Variants in C6orf47 observed in about 807,000 individuals in gnomAD.
The protein encoded by C6orf47 is chromosome 6 open reading frame 47.
A neutral mutation model predicts 5.6 loss-of-function variants in C6orf47; 1 was observed. The observed-to-expected ratio is 0.18, with a 90% confidence interval of 0.06 to 0.85. The LOEUF (loss-of-function observed/expected upper bound fraction) is 0.85, where lower values mean the gene tolerates loss of function less well. Ranked by LOEUF, C6orf47 falls within the 40% of genes least tolerant of loss-of-function variation. The pLI, the probability that C6orf47 is intolerant of heterozygous loss-of-function variation, is 0.70. For missense variants in C6orf47, 323 were observed against 367.1 expected, an observed-to-expected ratio of 0.88 and a Z score of 0.98; for synonymous variants, 149 against 161.7, an observed-to-expected ratio of 0.92 and a Z score of 0.60.
rs777717158 is a variant in C6orf47 at position 31,659,611 on chromosome 6, G to C, written c.337C>G (p.Pro113Ala). ...SGRLEAGGAS[P>A]KLRWDHVDSG... is the part of the protein sequence containing the mutation. ...TCCACATGATCCCATCTGAGTTTGG[G>C]ACTGGCCCCTCCAGCCTCCAGTCTC... The change falls in exon 1 of 1, where the codon CCC becomes GCC. Residue 113 changes from proline to alanine, a missense_variant. Coordinates refer to ENST00000375911, the MANE Select transcript of C6orf47 (RefSeq NM_021184.4). This position sits in a 1 kb window ranked among gnomAD's most constrained non-coding sequence, Gnocchi z 5.6. The C allele has an allele frequency of 6.2e-7, 1 of 1,612,846 alleles. No homozygotes were observed. The highest frequency in any genetic ancestry group is 1.1e-5 in the South Asian group (1 of 91,088).
rs893627945 is a variant in C6orf47 at position 31,659,694 on chromosome 6, C to T, written c.254G>A (p.Ser85Asn). ...KEEPQVEQLG[S>N]KRMDSLKWDQ... ...CCACTTGAGGGAATCCATTCTTTTGCTCCCTAGCTGCTCAACTTGGGGCTC... is the reference window on the plus strand; with the variant it reads ...CCACTTGAGGGAATCCATTCTTTTGTTCCCTAGCTGCTCAACTTGGGGCTC... The change falls in exon 1 of 1, where the codon AGC becomes AAC. Residue 85 changes from serine (S) to asparagine (N), a missense_variant. Physicochemically the swap from Ser to Asn is conservative, Grantham distance 46 (BLOSUM62 1). Coordinates refer to ENST00000375911, the MANE Select transcript of C6orf47 (RefSeq NM_021184.4). The surrounding 1 kb of genome is among the most constrained non-coding windows in gnomAD (Gnocchi z 5.6). The T allele has an allele frequency of 5.0e-6, 8 of 1,612,974 alleles. No homozygotes were observed. The African/African-American group carries it at 1.1e-4, about 22-fold the overall frequency.
chr6:31,659,523 C>T lies in C6orf47; in HGVS notation c.425G>A (p.Gly142Glu), dbSNP rs754971676. 6.2e-7 allele frequency: 1 copy of T among 1,613,000 alleles called. No homozygotes were observed. Among genetic ancestry groups the T allele is most frequent in the Non-Finnish European group, 8.5e-7 (1 of 1,180,048 alleles). The change falls in exon 1 of 1, where the codon GGA becomes GAA. Residue 142 changes from glycine to glutamate, a missense_variant. Physicochemically the swap from Gly to Glu is moderately conservative, Grantham distance 98 (BLOSUM62 -2). Transcript: ENST00000375911. The surrounding 1 kb of genome is among the most constrained non-coding windows in gnomAD (Gnocchi z 5.6). ...CCTACCAGGTTTCTCCAATGGGGCTCCTGGCCCAGGGACGCTCAGTCCCCC... is the reference window on the plus strand; with the variant it reads ...CCTACCAGGTTTCTCCAATGGGGCTTCTGGCCCAGGGACGCTCAGTCCCCC... ...PEGGLSVPGPGAPLEKPGRRE... is the reference protein window; with the variant it reads ...PEGGLSVPGPEAPLEKPGRRE...
Position 31,659,609 on chromosome 6 carries a change from G to A in C6orf47, c.339C>T (p.Pro113=). The change falls in exon 1 of 1, where the codon CCC becomes CCT. Residue 113 remains proline, a synonymous_variant. Transcript: ENST00000375911. The surrounding 1 kb of genome is among the most constrained non-coding windows in gnomAD (Gnocchi z 5.6). ...AATCCACATGATCCCATCTGAGTTT[G>A]GGACTGGCCCCTCCAGCCTCCAGTC... ...SGRLEAGGAS[P]KLRWDHVDSG... is the part of the protein sequence containing the mutation. 38 of 1,612,886 alleles carry A rather than the reference G, an allele frequency of 2.4e-5. No individual in the cohort carries two copies. The highest frequency in any genetic ancestry group is 3.2e-5 in the Non-Finnish European group (38 of 1,180,012).
Position 31,658,933 on chromosome 6 carries a change from G to A in C6orf47, c.*130C>T, listed in dbSNP as rs1432269243. 2.0e-6 allele frequency: 2 copies of A among 1,012,010 alleles called. No individual in the cohort carries two copies. The highest frequency in any genetic ancestry group is 2.3e-5 in the Admixed American group (1 of 43,100). The allele number at this position is 1,012,010 out of a possible 1,614,324, so 62.7% of individuals were successfully genotyped here. ...AGTTCTGTTCTCTCCTGTGTATGAA[G>A]GGGGGCCCTGCACCCTCGTACTCGG... is the stretch of plus-strand genomic sequence containing the variant. On this transcript the variant is annotated 3_prime_UTR_variant, in exon 1 of 1. Transcript: ENST00000375911.
rs994417162 is a variant in C6orf47 at position 31,658,690 on chromosome 6, C to A, written c.*373G>T. 7 of 252,244 alleles carry A rather than the reference C, an allele frequency of 2.8e-5. No individual in the cohort carries two copies. The highest frequency in any genetic ancestry group is 4.5e-5 in the Non-Finnish European group (6 of 132,884). The allele number at this position is 252,244 out of a possible 1,614,324, so 15.6% of individuals were successfully genotyped here. A position where few individuals can be genotyped will look rare whatever the true frequency, so the allele number is the denominator to read the frequency against. On this transcript the variant is annotated 3_prime_UTR_variant, in exon 1 of 1. Coordinates refer to ENST00000375911, the MANE Select transcript of C6orf47 (RefSeq NM_021184.4). ...TCTCTTACTGCAGAGGTCTGTCTAT[C>A]CTGCCCTGGTCTCCTCCACCCCAGG...
chr6:31,660,676 T>A lies in C6orf47; in HGVS notation c.-729A>T, dbSNP rs1800713556. On this transcript the variant is annotated 5_prime_UTR_variant, in exon 1 of 1. Coordinates refer to ENST00000375911, the MANE Select transcript of C6orf47 (RefSeq NM_021184.4). The surrounding 1 kb of genome is among the most constrained non-coding windows in gnomAD (Gnocchi z 4.7). ...GCGGGCCTACTTCGGGACCTACGCG[T>A]CCGGGCGCTGTGCGCGGGGACCGCT... 1 of 166,698 alleles carries A rather than the reference T, an allele frequency of 6.0e-6. No homozygotes were observed. Among genetic ancestry groups the A allele is most frequent in the East Asian group, 1.9e-4 (1 of 5,168 alleles). 10.3% of individuals were successfully genotyped at this position (166,698 alleles called of 1,614,324 possible).
At position 31,658,968 on chromosome 6, in the gene C6orf47, C is replaced by T. The variant is rs1385822761; in HGVS notation, c.*95G>A. On this transcript the variant is annotated 3_prime_UTR_variant, in exon 1 of 1. Transcript: ENST00000375911. The stretch of plus-strand genomic sequence containing the variant: ...GCACCCTCGTACTCGGGTTTCTTCC[C>T]CATCCCTGAGGTCCCTATGCTTACA... 1.4e-6 allele frequency: 2 copies of T among 1,436,918 alleles called. No homozygotes were observed. Among genetic ancestry groups the T allele is most frequent in the Admixed American group, 4.1e-5 (2 of 48,406 alleles). The allele number at this position is 1,436,918 out of a possible 1,614,324, so 89.0% of individuals were successfully genotyped here. A position where few individuals can be genotyped will look rare whatever the true frequency, so the allele number is the denominator to read the frequency against.
In C6orf47 at chr6:31,660,052, T is replaced by TA; in HGVS notation, c.-106dup. On this transcript the variant is annotated 5_prime_UTR_variant, in exon 1 of 1. An upstream open reading frame in the 5' UTR gains an earlier in-frame stop. Coordinates refer to ENST00000375911, the MANE Select transcript of C6orf47 (RefSeq NM_021184.4). This position sits in a 1 kb window ranked among gnomAD's most constrained non-coding sequence, Gnocchi z 4.7. ...CAGAGTCTTTCTGGCTCAGAACAGGTATTTGCCTGGTGATGCAGTCCTACT... is the reference window on the plus strand; with the variant it reads ...CAGAGTCTTTCTGGCTCAGAACAGGTAATTTGCCTGGTGATGCAGTCCTACT... The TA allele has an allele frequency of 7.5e-7, 1 of 1,326,016 alleles. No homozygotes were observed. The highest frequency in any genetic ancestry group is 1.0e-6 in the Non-Finnish European group (1 of 984,714). 82.1% of individuals were successfully genotyped at this position (1,326,016 alleles called of 1,614,324 possible).
Position 31,660,316 on chromosome 6 carries a change from C to T in C6orf47, c.-369G>A, listed in dbSNP as rs915121420. 2 of 290,530 alleles carry T rather than the reference C, an allele frequency of 6.9e-6. No individual in the cohort carries two copies. The highest frequency in any genetic ancestry group is 1.1e-3 in the Middle Eastern group (1 of 930). The allele number at this position is 290,530 out of a possible 1,614,324, so 18.0% of individuals were successfully genotyped here. On this transcript the variant is annotated 5_prime_UTR_variant, in exon 1 of 1. The change creates a new upstream start codon in the 5' untranslated region. Transcript: ENST00000375911. The surrounding 1 kb of genome is among the most constrained non-coding windows in gnomAD (Gnocchi z 4.7). ...CCAGCAGGCAGCACCCCAAGTTTCA[C>T]TCACCAAGGCCACACCCCAAGGTGT...
chr6:31,659,681 A>C lies in C6orf47; in HGVS notation c.267T>G (p.Asp89Glu), dbSNP rs377736652. The C allele has an allele frequency of 6.2e-7, 1 of 1,612,926 alleles. No homozygotes were observed. The highest frequency in any genetic ancestry group is 8.5e-7 in the Non-Finnish European group (1 of 1,180,024). Residue 89 changes from aspartate to glutamate, a missense_variant, in exon 1 of 1, where the codon GAT becomes GAG. Asp to Glu is a conservative substitution (Grantham distance 45). Transcript: ENST00000375911. The surrounding 1 kb of genome is among the most constrained non-coding windows in gnomAD (Gnocchi z 5.6). ...AGATAGGCTGGTCCCACTTGAGGGA[A>C]TCCATTCTTTTGCTCCCTAGCTGCT... The part of the protein sequence containing the change: ...QVEQLGSKRM[D>E]SLKWDQPISS...
Position 31,658,336 on chromosome 6 carries a change from C to T in C6orf47, c.*727G>A, listed in dbSNP as rs142936219. The T allele has an allele frequency of 1.2e-3, 689 of 580,838 alleles. No homozygotes were observed. The highest frequency in any genetic ancestry group is 8.7e-3 in the Middle Eastern group (19 of 2,176). 36.0% of individuals were successfully genotyped at this position (580,838 alleles called of 1,614,324 possible). A position where few individuals can be genotyped will look rare whatever the true frequency, so the allele number is the denominator to read the frequency against. ...GTAAGAACAGAGTGGCAGTAACTCTCACTTTGTAGTGGTATATTTAGGATT... is the reference window on the plus strand; with the variant it reads ...GTAAGAACAGAGTGGCAGTAACTCTTACTTTGTAGTGGTATATTTAGGATT... On this transcript the variant is annotated 3_prime_UTR_variant, in exon 1 of 1. Transcript: ENST00000375911.
chr6:31,659,368 G>C lies in C6orf47; in HGVS notation c.580C>G (p.Leu194Val), dbSNP rs1800531760. 3 of 1,613,064 alleles carry C rather than the reference G, an allele frequency of 1.9e-6. No homozygotes were observed. In the Admixed American group the frequency reaches 5.0e-5, roughly 27 times the overall value. Residue 194 changes from leucine to valine, a missense_variant, in exon 1 of 1, where the codon CTG becomes GTG. Leu to Val is a conservative substitution (Grantham distance 32). Transcript: ENST00000375911. The surrounding 1 kb of genome is among the most constrained non-coding windows in gnomAD (Gnocchi z 5.6). Reference sequence around the variant, plus strand: ...AGTGGTCGTGAGCACAGGGCCAGCAGGGCAGAGGCCAGCAGCTCCAGAAGA... The same window carrying C: ...AGTGGTCGTGAGCACAGGGCCAGCACGGCAGAGGCCAGCAGCTCCAGAAGA... ...LHLLELLASALLALCSRPLRA... is the reference protein window; with the variant it reads ...LHLLELLASAVLALCSRPLRA...
rs1800639766 is a variant in C6orf47 at position 31,659,986 on chromosome 6, C to T, written c.-39G>A. 2 of 1,511,622 alleles carry T rather than the reference C, an allele frequency of 1.3e-6. No individual in the cohort carries two copies. The highest frequency in any genetic ancestry group is 1.8e-6 in the Non-Finnish European group (2 of 1,128,818). The allele number at this position is 1,511,622 out of a possible 1,614,324, so 93.6% of individuals were successfully genotyped here. On this transcript the variant is annotated 5_prime_UTR_variant, in exon 1 of 1. Coordinates refer to ENST00000375911, the MANE Select transcript of C6orf47 (RefSeq NM_021184.4). This position sits in a 1 kb window ranked among gnomAD's most constrained non-coding sequence, Gnocchi z 5.6. ...AATGGGCCCCCAAATTCTGAGGCTGCTTCCTGGCACTACTCAGACTCTCAG... is the reference window on the plus strand; with the variant it reads ...AATGGGCCCCCAAATTCTGAGGCTGTTTCCTGGCACTACTCAGACTCTCAG...
Position 31,658,830 on chromosome 6 carries a change from G to T in C6orf47, c.*233C>A. On this transcript the variant is annotated 3_prime_UTR_variant, in exon 1 of 1. Transcript: ENST00000375911. ...AAAAAAAAAAAAACTGAAGGTGGGA[G>T]AAAAGTAAAAGCAAAAATAACAGCT... 1 of 408,024 alleles carries T rather than the reference G, an allele frequency of 2.5e-6. No homozygotes were observed. Among genetic ancestry groups the T allele is most frequent in the Non-Finnish European group, 4.2e-6 (1 of 235,892 alleles). 25.3% of individuals were successfully genotyped at this position (408,024 alleles called of 1,614,324 possible). A position where few individuals can be genotyped will look rare whatever the true frequency, so the allele number is the denominator to read the frequency against.
chr6:31,659,011 C>G lies in C6orf47; in HGVS notation c.*52G>C. 2 of 1,568,528 alleles carry G rather than the reference C, an allele frequency of 1.3e-6. No homozygotes were observed. The highest frequency in any genetic ancestry group is 1.7e-6 in the Non-Finnish European group (2 of 1,152,678). ...TGCTTACAATTTGGGTCATGCCTCA[C>G]ACTTTTCTCCTAAAGCCCACACTCT... On this transcript the variant is annotated 3_prime_UTR_variant, in exon 1 of 1. Transcript: ENST00000375911. This position sits in a 1 kb window ranked among gnomAD's most constrained non-coding sequence, Gnocchi z 5.6.
chr6:31,658,887 A>G lies in C6orf47; in HGVS notation c.*176T>C. 3.4e-6 allele frequency: 2 copies of G among 593,434 alleles called. No homozygotes were observed. The highest frequency in any genetic ancestry group is 2.8e-6 in the Non-Finnish European group (1 of 361,050). 36.8% of individuals were successfully genotyped at this position (593,434 alleles called of 1,614,324 possible). On this transcript the variant is annotated 3_prime_UTR_variant, in exon 1 of 1. Transcript: ENST00000375911. The stretch of plus-strand genomic sequence containing the variant: ...TCCAAGAGCAGTGCCCTCACTGTCC[A>G]TAAACACAAACACCCTAAATAGTTC...
Position 31,659,185 on chromosome 6 carries a change from C to T in C6orf47, c.763G>A (p.Ala255Thr). 6.2e-7 allele frequency: 1 copy of T among 1,613,066 alleles called. No homozygotes were observed. The highest frequency in any genetic ancestry group is 8.5e-7 in the Non-Finnish European group (1 of 1,180,020). Residue 255 changes from alanine to threonine, a missense_variant, in exon 1 of 1, where the codon GCC (alanine) becomes ACC (threonine). By Grantham distance (58) the Ala-to-Thr change is moderately conservative. Transcript: ENST00000375911. This position sits in a 1 kb window ranked among gnomAD's most constrained non-coding sequence, Gnocchi z 5.6. ...CGGAGGCTGACAGCCAGCACCAAGG[C>T]CTGCAGGAGACCAAAGAGGCAGGCG... Reference protein sequence around the residue: ...HFACLFGLLQALVLAVSLREP... With the variant: ...HFACLFGLLQTLVLAVSLREP...
In C6orf47 at chr6:31,659,861, G is replaced by A; in HGVS notation, c.87C>T (p.Pro29=). 13 of 1,612,478 alleles carry A rather than the reference G, an allele frequency of 8.1e-6. No individual in the cohort carries two copies. The highest frequency in any genetic ancestry group is 1.1e-5 in the Non-Finnish European group (13 of 1,179,766). Residue 29 remains proline (P), a synonymous_variant, in exon 1 of 1, where the codon CCC becomes CCT. Transcript: ENST00000375911. This position sits in a 1 kb window ranked among gnomAD's most constrained non-coding sequence, Gnocchi z 5.6. ...PMRPDPPYPE[P]RRVDSSSENS... ...TCTCCGAGGAGCTGTCCACCCGTCT[G>A]GGTTCTGGGTAAGGCGGGTCAGGCC...
chr6:31,658,339 T>C lies in C6orf47; in HGVS notation c.*724A>G. On this transcript the variant is annotated 3_prime_UTR_variant, in exon 1 of 1. Transcript: ENST00000375911. ...AGAACAGAGTGGCAGTAACTCTCACTTTGTAGTGGTATATTTAGGATTTGA... is the reference window on the plus strand; with the variant it reads ...AGAACAGAGTGGCAGTAACTCTCACCTTGTAGTGGTATATTTAGGATTTGA... 1.7e-6 allele frequency: 1 copy of C among 577,982 alleles called. No homozygotes were observed. Among genetic ancestry groups the C allele is most frequent in the Non-Finnish European group, 3.1e-6 (1 of 324,110 alleles). 35.8% of individuals were successfully genotyped at this position (577,982 alleles called of 1,614,324 possible). A position where few individuals can be genotyped will look rare whatever the true frequency, so the allele number is the denominator to read the frequency against.
Sources: allele counts gnomAD v4.1 joint callset, GRCh38; gene constraint gnomAD v4.1.1; non-coding constraint Gnocchi (gnomAD v3.1); transcripts MANE v1.5; gene names NCBI Gene and HGNC (gene_info 2026-07-23, HGNC 2026-07-21).